TOLLIP: variants seen among roughly 807,000 people sequenced by gnomAD.
The protein encoded by TOLLIP is toll-interacting protein.
In TOLLIP, 16 loss-of-function variants were observed where a neutral mutation model predicts 33.5. That is an observed-to-expected ratio of 0.48 (90% CI 0.32 to 0.72). The LOEUF (loss-of-function observed/expected upper bound fraction) is 0.72, where lower values mean the gene tolerates loss of function less well. Among genes scored for constraint, TOLLIP ranks in the 30% least tolerant of loss-of-function variants. The probability of loss-of-function intolerance (pLI) is 0.03; values close to 1 mark genes in which losing one functional copy is unlikely to be tolerated. For synonymous variants in TOLLIP, 176 were observed against 163.7 expected, an observed-to-expected ratio of 1.07 and a Z score of -0.57; for missense variants, 325 against 396.6, an observed-to-expected ratio of 0.82 and a Z score of 1.53.
chr11:1,280,696 G>A (rs562322023), intron 5 of TOLLIP, among the ~76,000 whole-genome samples: 202 of 152,126 alleles, frequency 1.3e-3, no homozygotes, highest in Non-Finnish European at 2.1e-3. Context: ...TTTCCAGGCC[G>A]ATTCTCCTCC....
At chr11:1,305,834 A>C (rs964709695) in intron 1 of TOLLIP, 1 of 152,252 alleles carries the variant, frequency 6.6e-6, no homozygotes. Flanking sequence ...TCTACCAAGG[A>C]GGCCTCTCTG....
intron 2 of TOLLIP, among the ~76,000 whole-genome samples, chr11:1,292,725 C>G (rs1863989355): frequency 6.6e-6 from 1 of 152,398 alleles, no homozygotes; most frequent in East Asian, 1.9e-4. Flanking sequence ...GCACGTCAGA[C>G]AGCAGACACC....
At chr11:1,295,006 C>T (rs937750691) in intron 2 of TOLLIP, among the ~76,000 whole-genome samples, 2 of 131,046 alleles carry the variant, frequency 1.5e-5, no homozygotes, top group Non-Finnish European at 3.3e-5. Context: ...GCGTGGCTCA[C>T]GGTGTGTCTC....
intron 1 of TOLLIP, among the ~76,000 whole-genome samples, chr11:1,300,834 A>G (rs1352837537): frequency 1.3e-5 from 2 of 152,224 alleles, no homozygotes; most frequent in African/African-American, 4.8e-5. Context: ...CGCAGGCGGC[A>G]GGAGACCAGG....
At position 1,276,823 on chromosome 11, in the gene TOLLIP, C is replaced by CGAGATGG; in HGVS notation, c.*209_*215dup. On this transcript the variant is annotated 3_prime_UTR_variant, in exon 6 of 6. Coordinates refer to ENST00000317204, the MANE Select transcript of TOLLIP (RefSeq NM_019009.4). The stretch of plus-strand genomic sequence containing the variant: ...GAGAGCGCGCTGAGACCTCCCAGCA[C>CGAGATGG]GAGATGGGAGGGGAGCCCCCGCCCC... The CGAGATGG allele has an allele frequency of 6.5e-7, 1 of 1,530,090 alleles. No individual in the cohort carries two copies. Among genetic ancestry groups the CGAGATGG allele is most frequent in the Non-Finnish European group, 8.7e-7 (1 of 1,143,490 alleles). 94.8% of individuals were successfully genotyped at this position (1,530,090 alleles called of 1,614,324 possible).
intron 1 of TOLLIP, among the ~76,000 whole-genome samples, chr11:1,297,059 C>T (rs975612655): frequency 7.2e-5 from 11 of 152,174 alleles, no homozygotes; most frequent in Admixed American, 3.9e-4. Context: ...GAGACCCAGC[C>T]GTCTGCAGGG....
intron 2 of TOLLIP, among the ~76,000 whole-genome samples, chr11:1,293,941 C>T (rs1191444248): frequency 6.6e-6 from 1 of 152,256 alleles, no homozygotes; most frequent in African/African-American, 2.4e-5. Flanking sequence ...AGACACGCCG[C>T]GAGGAAGGGG....
At chr11:1,308,244 C>T (rs985657263) in intron 1 of TOLLIP, among the ~76,000 whole-genome samples, 2 of 152,214 alleles carry the variant, frequency 1.3e-5, no homozygotes, top group Admixed American at 6.5e-5. Flanking sequence ...ACAGATCCCT[C>T]GTGGCTTGGT....
At chr11:1,280,697 A>T (rs972059143) in intron 5 of TOLLIP, among the ~76,000 whole-genome samples, 3 of 151,948 alleles carry the variant, frequency 2.0e-5, no homozygotes, top group African/African-American at 7.3e-5. Flanking sequence ...TTCCAGGCCG[A>T]TTCTCCTCCC....
At chr11:1,287,198 C>T (rs1036674878) in intron 4 of TOLLIP, among the ~76,000 whole-genome samples, 13 of 152,294 alleles carry the variant, frequency 8.5e-5, no homozygotes, top group Admixed American at 5.9e-4. Flanking sequence ...TCTCTGAGTT[C>T]GAAACTGTCA....
chr11:1,301,179 T>C (rs1864265207), intron 1 of TOLLIP, among the ~76,000 whole-genome samples: 1 of 152,216 alleles, frequency 6.6e-6, no homozygotes, highest in Non-Finnish European at 1.5e-5. Context: ...ATAAACACAA[T>C]AAAAAATATC....
chr11:1,279,317 C>T (rs1387916948), intron 5 of TOLLIP, among the ~76,000 whole-genome samples: 1 of 152,238 alleles, frequency 6.6e-6, no homozygotes, highest in East Asian at 1.9e-4. Flanking sequence ...GCCTGGCTCA[C>T]TCCCCTCCTT....
chr11:1,291,736 G>A (rs1303821875), intron 2 of TOLLIP: 4 of 152,192 alleles, frequency 2.6e-5, no homozygotes, highest in Admixed American at 7.0e-5. Flanking sequence ...CGGCCGCCCC[G>A]TCCTCACCGA....
At chr11:1,308,192 T>C (rs918347735) in intron 1 of TOLLIP, among the ~76,000 whole-genome samples, 1 of 152,228 alleles carries the variant, frequency 6.6e-6, no homozygotes, top group African/African-American at 2.4e-5. Flanking sequence ...ATCCCCAATG[T>C]TGGAGGTGGG....
In TOLLIP at chr11:1,275,899, T is replaced by C. The variant is rs1863282833; in HGVS notation, c.*1140A>G. ...ACACTTGAACCACAAACACCAGACA[T>C]GCAGGTGTCTCAATGGCATGCAGAT... On this transcript the variant is annotated 3_prime_UTR_variant, in exon 6 of 6. Coordinates refer to ENST00000317204, the MANE Select transcript of TOLLIP (RefSeq NM_019009.4). 6.6e-6 allele frequency: 1 copy of C among 152,206 alleles called. No individual in the cohort carries two copies. Among genetic ancestry groups the C allele is most frequent in the African/African-American group, 2.4e-5 (1 of 41,438 alleles). The allele number at this position is 152,206 out of a possible 1,614,324, so 9.4% of individuals were successfully genotyped here. A position where few individuals can be genotyped will look rare whatever the true frequency, so the allele number is the denominator to read the frequency against.
Position 1,290,160 on chromosome 11 carries a change from G to A in TOLLIP, c.366+67C>T, listed in dbSNP as rs1157584944. 2 of 1,534,320 alleles carry A rather than the reference G, an allele frequency of 1.3e-6. No homozygotes were observed. Among genetic ancestry groups the A allele is most frequent in the Admixed American group, 1.8e-5 (1 of 56,692 alleles). On this transcript the variant is annotated intron_variant, in intron 3 of 5. Coordinates refer to ENST00000317204, the MANE Select transcript of TOLLIP (RefSeq NM_019009.4). This position sits in a 1 kb window ranked among gnomAD's most constrained non-coding sequence, Gnocchi z 4.9. ...GCCAGGAACGTGGCTGTGTTGGCAG[G>A]TGTGTCCCCACGGCAGCCACGCTCA... is the stretch of plus-strand genomic sequence containing the variant.
At chr11:1,287,015 C>T (rs11042045) in intron 4 of TOLLIP, among the ~76,000 whole-genome samples, 9,987 of 151,342 alleles carry the variant, frequency 0.066, 406 homozygotes, top group Middle Eastern at 0.11. Context: ...CTGTCAGCTG[C>T]GGATAAGTCA....
rs1174620244 is a variant in TOLLIP at position 1,275,892 on chromosome 11, C to G, written c.*1147G>C. The G allele has an allele frequency of 6.6e-6, 1 of 152,236 alleles. No homozygotes were observed. Among genetic ancestry groups the G allele is most frequent in the South Asian group, 2.1e-4 (1 of 4,836 alleles). 9.4% of individuals were successfully genotyped at this position (152,236 alleles called of 1,614,324 possible). A position where few individuals can be genotyped will look rare whatever the true frequency, so the allele number is the denominator to read the frequency against. ...CGGCAAGACACTTGAACCACAAACACCAGACATGCAGGTGTCTCAATGGCA... is the reference window on the plus strand; with the variant it reads ...CGGCAAGACACTTGAACCACAAACAGCAGACATGCAGGTGTCTCAATGGCA... On this transcript the variant is annotated 3_prime_UTR_variant, in exon 6 of 6. Coordinates refer to ENST00000317204, the MANE Select transcript of TOLLIP (RefSeq NM_019009.4).
At chr11:1,295,474 C>G in intron 2 of TOLLIP, 171 bp downstream of exon 2, 1 of 851,550 alleles carries the variant, frequency 1.2e-6, no homozygotes, top group Non-Finnish European at 1.8e-6. Flanking sequence ...GGGGTCAATG[C>G]CAATATCTTT....
Sources: allele counts gnomAD v4.1 joint callset (sites outside exome capture counted in the v4.1 genomes callset), GRCh38; gene constraint gnomAD v4.1.1; non-coding constraint Gnocchi (gnomAD v3.1); transcripts MANE v1.5; gene names NCBI Gene and HGNC (gene_info 2026-07-23, HGNC 2026-07-21).